CTNNA3: variants seen among roughly 807,000 people sequenced by gnomAD.
The protein encoded by CTNNA3 is catenin alpha 3, also known as catenin alpha-3.
CTNNA3 carries 76 observed loss-of-function variants against 95.7 expected under a neutral mutation model. That is an observed-to-expected ratio of 0.79 (90% CI 0.66 to 0.96). The LOEUF is 0.96. CTNNA3 is among the 40% of genes least tolerant of loss of function. The pLI, the probability that CTNNA3 is intolerant of heterozygous loss-of-function variation, is 0.00. For missense variants in CTNNA3, 1,191 were observed against 1,089.8 expected, an observed-to-expected ratio of 1.09 and a Z score of -1.31; for synonymous variants, 431 against 374.4, an observed-to-expected ratio of 1.15 and a Z score of -1.74.
chr10:66,294,866 T>C (rs926462041), intron 12 of CTNNA3, among the ~76,000 whole-genome samples: 13 of 149,552 alleles, frequency 8.7e-5, no homozygotes, highest in Admixed American at 3.3e-4. Context: ...CAAGTCCAGA[T>C]ACCTATTAGA....
intron 10 of CTNNA3, among the ~76,000 whole-genome samples, chr10:66,589,393 G>T (rs1265347615): frequency 6.6e-6 from 1 of 152,086 alleles, no homozygotes; most frequent in Non-Finnish European, 1.5e-5. Flanking sequence ...GTTGGTTTGG[G>T]TTAATCAGTA....
intron 1 of CTNNA3, among the ~76,000 whole-genome samples, chr10:67,707,284 C>G (rs1841083852): frequency 6.6e-6 from 1 of 152,138 alleles, no homozygotes; most frequent in Non-Finnish European, 1.5e-5. Context: ...TCTACAAGAC[C>G]TTGATGATCT....
At chr10:66,479,140 C>T (rs1314067711) in intron 11 of CTNNA3, among the ~76,000 whole-genome samples, 3 of 151,814 alleles carry the variant, frequency 2.0e-5, no homozygotes, top group Admixed American at 6.6e-5. Context: ...TATTGTAAAG[C>T]CTACCCTTTC....
chr10:66,988,713 G>T (rs10733833), intron 7 of CTNNA3, among the ~76,000 whole-genome samples: 1 of 151,818 alleles, frequency 6.6e-6, no homozygotes, highest in Admixed American at 6.6e-5. Flanking sequence ...GGTCACCTCT[G>T]AATACTAGGA....
intron 5 of CTNNA3, among the ~76,000 whole-genome samples, chr10:67,281,016 C>T (rs565846154): frequency 6.6e-6 from 1 of 152,192 alleles, no homozygotes; most frequent in East Asian, 1.9e-4. Context: ...GGCTTCCCCA[C>T]AAAACACAGC....
chr10:67,485,148 T>C (rs1028601713), intron 5 of CTNNA3, among the ~76,000 whole-genome samples: 1 of 152,132 alleles, frequency 6.6e-6, no homozygotes, highest in African/African-American at 2.4e-5. Context: ...TAAAAAAGAT[T>C]GAAGTTGTGT....
At chr10:67,369,553 C>T (rs1181712682) in intron 5 of CTNNA3, among the ~76,000 whole-genome samples, 1 of 151,950 alleles carries the variant, frequency 6.6e-6, no homozygotes, top group African/African-American at 2.4e-5. Context: ...TAAGCAAATT[C>T]AAAAGACAAC....
chr10:65,962,905 C>T (rs1038727095), intron 17 of CTNNA3, among the ~76,000 whole-genome samples: 3 of 152,172 alleles, frequency 2.0e-5, no homozygotes, highest in African/African-American at 7.2e-5. Flanking sequence ...TATGTGGCTG[C>T]ATAGTATTCC....
At chr10:66,458,803 T>C (rs1564983470) in intron 11 of CTNNA3, among the ~76,000 whole-genome samples, 1 of 152,208 alleles carries the variant, frequency 6.6e-6, no homozygotes, top group Non-Finnish European at 1.5e-5. Flanking sequence ...TGATAAGCCA[T>C]ATTTTGTTTA....
At chr10:66,626,397 C>G (rs1342576946) in intron 9 of CTNNA3, among the ~76,000 whole-genome samples, 1 of 152,134 alleles carries the variant, frequency 6.6e-6, no homozygotes, top group Non-Finnish European at 1.5e-5. Flanking sequence ...TATCATGTCA[C>G]CACGTCTCCT....
At chr10:66,614,084 C>A (rs1844424535) in intron 10 of CTNNA3, among the ~76,000 whole-genome samples, 1 of 152,080 alleles carries the variant, frequency 6.6e-6, no homozygotes, top group African/African-American at 2.4e-5. Flanking sequence ...GAAGTGTGTG[C>A]TAAATACATC....
At chr10:66,076,235 G>A (rs957028303) in intron 14 of CTNNA3, among the ~76,000 whole-genome samples, 1 of 151,588 alleles carries the variant, frequency 6.6e-6, no homozygotes, top group African/African-American at 2.4e-5. Flanking sequence ...GGAAATAGAT[G>A]TATTTTTAAT....
chr10:66,408,953 A>G (rs1323382150), intron 11 of CTNNA3, among the ~76,000 whole-genome samples: 1 of 152,180 alleles, frequency 6.6e-6, no homozygotes, highest in Non-Finnish European at 1.5e-5. Context: ...GAACTAGAAT[A>G]TTTGAAATAA....
chr10:66,053,306 T>C (rs1327374544), intron 15 of CTNNA3, among the ~76,000 whole-genome samples: 1 of 152,092 alleles, frequency 6.6e-6, no homozygotes, highest in Non-Finnish European at 1.5e-5. Flanking sequence ...ATTTCTTTTC[T>C]TAGGATGTTT....
chr10:67,302,180 C>G (rs1840351322), intron 5 of CTNNA3, among the ~76,000 whole-genome samples: 1 of 151,944 alleles, frequency 6.6e-6, no homozygotes, highest in South Asian at 2.1e-4. Context: ...AGACAAATAC[C>G]AAATGATCTC....
chr10:66,038,433 C>T (rs571976411), intron 15 of CTNNA3, among the ~76,000 whole-genome samples: 3 of 152,198 alleles, frequency 2.0e-5, no homozygotes, highest in Non-Finnish European at 2.9e-5. Flanking sequence ...CTACAGTAGA[C>T]CCCAGCAGAC....
chr10:66,720,789 C>A (rs1419957337), intron 9 of CTNNA3, among the ~76,000 whole-genome samples: 6 of 151,928 alleles, frequency 3.9e-5, no homozygotes, highest in Admixed American at 3.9e-4. Context: ...GCCGAGATCG[C>A]GCCACTGCAC....
intron 10 of CTNNA3, among the ~76,000 whole-genome samples, chr10:66,547,869 G>C (rs1455744490): frequency 6.6e-6 from 1 of 150,900 alleles, no homozygotes; most frequent in African/African-American, 2.4e-5. Context: ...TTGGTTTTCT[G>C]CATACAGGTC....
intron 13 of CTNNA3, among the ~76,000 whole-genome samples, chr10:66,119,020 G>T (rs184864974): frequency 1.3e-5 from 2 of 152,078 alleles, no homozygotes; most frequent in African/African-American, 4.8e-5. Context: ...GGGATTACAG[G>T]GGTGAGCCAC....
Sources: allele counts gnomAD v4.1 joint callset (sites outside exome capture counted in the v4.1 genomes callset), GRCh38; gene constraint gnomAD v4.1.1; transcripts MANE v1.5; gene names NCBI Gene and HGNC (gene_info 2026-07-23, HGNC 2026-07-21).